GKAP1: variants seen among roughly 807,000 people sequenced by gnomAD.
GKAP1 encodes G kinase anchoring protein 1.
Under a neutral mutation model 56.7 loss-of-function variants are expected in GKAP1, and 31 were observed. That is an observed-to-expected ratio of 0.55 (90% CI 0.41 to 0.74). The LOEUF (loss-of-function observed/expected upper bound fraction) is 0.74. GKAP1 is among the 30% of genes least tolerant of loss of function. The pLI is 0.00. For missense variants in GKAP1, 364 were observed against 402.3 expected, an observed-to-expected ratio of 0.90 and a Z score of 0.82; for synonymous variants, 151 against 138.6, an observed-to-expected ratio of 1.09 and a Z score of -0.63.
intron 8 of GKAP1, among the ~76,000 whole-genome samples, chr9:83,763,812 G>A (rs1007546894): frequency 2.0e-5 from 3 of 152,150 alleles, no homozygotes; most frequent in African/African-American, 7.2e-5. Flanking sequence ...TCCTAATAGT[G>A]TAAGAAAGGC....
intron 9 of GKAP1, among the ~76,000 whole-genome samples, chr9:83,749,597 A>G (rs1484977688): frequency 1.3e-5 from 2 of 152,204 alleles, no homozygotes; most frequent in Admixed American, 6.5e-5. Context: ...CAGTATAGAA[A>G]AACAAAACCC....
In GKAP1 at chr9:83,799,281, A is replaced by G; in HGVS notation, c.264T>C (p.Ala88=). ...FKKIPQKSSH[A]VCNAQHDLPL... The stretch of plus-strand genomic sequence containing the variant: ...GAAGATCATGTTGAGCGTTACAAAC[A>G]GCATGGGAGGATTTCTGGGGAATTT... The change falls in exon 4 of 13, where the codon GCT becomes GCC. Residue 88 remains alanine (A), a synonymous_variant. Transcript: ENST00000376371. The G allele has an allele frequency of 6.2e-7, 1 of 1,602,278 alleles. No homozygotes were observed. The highest frequency in any genetic ancestry group is 8.5e-7 in the Non-Finnish European group (1 of 1,176,708).
At chr9:83,759,644 AG>A (rs1204907499) in intron 8 of GKAP1, among the ~76,000 whole-genome samples, 1 of 152,170 alleles carries the variant, frequency 6.6e-6, no homozygotes, top group Admixed American at 6.5e-5. Context: ...GGTTTAATCT[AG>A]GGGTAGAATT....
At chr9:83,766,447 C>A (rs1412116519) in intron 8 of GKAP1, among the ~76,000 whole-genome samples, 1 of 152,160 alleles carries the variant, frequency 6.6e-6, no homozygotes, top group Non-Finnish European at 1.5e-5. Flanking sequence ...ACGAGTACGT[C>A]AGGGTAGGCA....
chr9:83,767,834 G>A (rs924657812), intron 8 of GKAP1, among the ~76,000 whole-genome samples: 2 of 151,994 alleles, frequency 1.3e-5, no homozygotes, highest in Non-Finnish European at 2.9e-5. Context: ...TTATAGGCAT[G>A]TGCCACCATG....
At chr9:83,765,687 T>C (rs938556732) in intron 8 of GKAP1, among the ~76,000 whole-genome samples, 3 of 152,218 alleles carry the variant, frequency 2.0e-5, no homozygotes, top group African/African-American at 2.4e-5. Flanking sequence ...TTCGGAACTT[T>C]AAGGTTTAAT....
chr9:83,770,110 T>C (rs1260960310), intron 7 of GKAP1, among the ~76,000 whole-genome samples: 3 of 152,208 alleles, frequency 2.0e-5, no homozygotes, highest in African/African-American at 7.2e-5. Flanking sequence ...TATATCTTAT[T>C]GAATATGATT....
intron 10 of GKAP1, among the ~76,000 whole-genome samples, chr9:83,747,705 C>T (rs1451562350): frequency 2.0e-5 from 3 of 151,198 alleles, no homozygotes; most frequent in Non-Finnish European, 4.4e-5. Flanking sequence ...GGTGCAATCT[C>T]GGCTCACTGC....
chr9:83,756,139 T>G (rs1222881986), intron 8 of GKAP1, among the ~76,000 whole-genome samples: 1 of 151,882 alleles, frequency 6.6e-6, no homozygotes, highest in African/African-American at 2.4e-5. Flanking sequence ...TTTTTCTTAG[T>G]GTGATTAGAG....
At chr9:83,801,009 C>T (rs986864533) in intron 3 of GKAP1, among the ~76,000 whole-genome samples, 1 of 152,190 alleles carries the variant, frequency 6.6e-6, no homozygotes, top group African/African-American at 2.4e-5. Context: ...CCTAAAGATA[C>T]CTTGAAGCCC....
chr9:83,789,201 T>C (rs1944114376), intron 4 of GKAP1: 3 of 152,248 alleles, frequency 2.0e-5, no homozygotes, highest in Admixed American at 2.0e-4. Context: ...ACTCTCAAAA[T>C]GATAAACTAT....
chr9:83,753,271 A>G lies in GKAP1; in HGVS notation c.827T>C (p.Ile276Thr). 6.3e-7 allele frequency: 1 copy of G among 1,595,720 alleles called. No homozygotes were observed. Among genetic ancestry groups the G allele is most frequent in the Non-Finnish European group, 8.6e-7 (1 of 1,163,958 alleles). The change falls in exon 9 of 13, where the codon ATC (isoleucine) becomes ACC (threonine). Residue 276 changes from isoleucine to threonine, a missense_variant. Physicochemically the swap from Ile to Thr is moderately conservative, Grantham distance 89 (BLOSUM62 -1). Coordinates refer to ENST00000376371, the MANE Select transcript of GKAP1 (RefSeq NM_025211.4). ...DAEIQKLKNVITQWEAKYKEV... is the reference protein window; with the variant it reads ...DAEIQKLKNVTTQWEAKYKEV... ...ATGGACACAAACCTCCCATTGAGTGATTACATTTTTCAGCTTCTGGATTTC... is the reference window on the plus strand; with the variant it reads ...ATGGACACAAACCTCCCATTGAGTGGTTACATTTTTCAGCTTCTGGATTTC...
intron 8 of GKAP1, among the ~76,000 whole-genome samples, chr9:83,754,680 T>C (rs2131244741): frequency 6.6e-6 from 1 of 152,220 alleles, no homozygotes; most frequent in South Asian, 2.1e-4. Context: ...AGGGGGAAGA[T>C]GGTACAAGAT....
intron 3 of GKAP1, among the ~76,000 whole-genome samples, chr9:83,806,085 C>G (rs1318407937): frequency 6.6e-6 from 1 of 151,816 alleles, no homozygotes; most frequent in Non-Finnish European, 1.5e-5. Context: ...CCACTGCACT[C>G]CAGCCTAGGT....
chr9:83,804,148 G>A (rs2131319058), intron 3 of GKAP1, among the ~76,000 whole-genome samples: 1 of 147,492 alleles, frequency 6.8e-6, no homozygotes, highest in East Asian at 2.2e-4. Context: ...CGCACGGCCA[G>A]CCGCCCCGTC....
At chr9:83,784,083 G>A (rs1252490131) in intron 6 of GKAP1, among the ~76,000 whole-genome samples, 1 of 145,468 alleles carries the variant, frequency 6.9e-6, no homozygotes, top group Non-Finnish European at 1.5e-5. Context: ...TGGGCAAGAT[G>A]GTGAAACCCT....
At chr9:83,746,944 G>T (rs1943305463) in intron 10 of GKAP1, among the ~76,000 whole-genome samples, 1 of 152,030 alleles carries the variant, frequency 6.6e-6, no homozygotes, top group African/African-American at 2.4e-5. Flanking sequence ...AACCATTTTT[G>T]GTATTTTGTT....
intron 4 of GKAP1, among the ~76,000 whole-genome samples, chr9:83,793,821 A>G (rs902518771): frequency 2.0e-5 from 3 of 152,212 alleles, no homozygotes; most frequent in African/African-American, 7.2e-5. Context: ...ATGAATATTT[A>G]AAATTTTCAT....
chr9:83,787,321 C>G (rs1290681901), intron 5 of GKAP1, among the ~76,000 whole-genome samples: 1 of 152,116 alleles, frequency 6.6e-6, no homozygotes, highest in African/African-American at 2.4e-5. Flanking sequence ...ACTGCATCCT[C>G]TAACTGCTGG....
Sources: gnomAD v4.1 joint callset for allele counts (sites outside exome capture counted in the v4.1 genomes callset) on GRCh38, gnomAD v4.1.1 for gene constraint, MANE v1.5 for transcripts, NCBI Gene and HGNC (gene_info 2026-07-23, HGNC 2026-07-21) for gene names.